Variants in ZNF311 observed in about 807,000 individuals in gnomAD.
ZNF311 encodes the protein zinc finger protein 311.
A neutral mutation model predicts 22.7 loss-of-function variants in ZNF311; 14 were observed. That is an observed-to-expected ratio of 0.62 (90% CI 0.41 to 0.96). ZNF311 has a LOEUF of 0.96. Ranked by LOEUF, ZNF311 falls within the 40% of genes least tolerant of loss-of-function variation. The pLI is 0.00. For missense variants in ZNF311, 731 were observed against 799.0 expected, an observed-to-expected ratio of 0.91 and a Z score of 1.03; for synonymous variants, 250 against 275.3, an observed-to-expected ratio of 0.91 and a Z score of 0.91.
At chr6:28,997,268 C>G in intron 6 of ZNF311, among the ~76,000 whole-genome samples, 1 of 152,072 alleles carries the variant, frequency 6.6e-6, no homozygotes. Context: ...GGTCAATTTG[C>G]CTAGAAAGAA....
Position 28,996,457 on chromosome 6 carries a change from C to G in ZNF311, c.545G>C (p.Arg182Thr), listed in dbSNP as rs1237402941. The change falls in exon 7 of 7, where the codon AGA (arginine) becomes ACA (threonine). Residue 182 changes from arginine to threonine, a missense_variant. Arg to Thr is a moderately conservative substitution (Grantham distance 71, BLOSUM62 -1). Transcript: ENST00000377179. ...TTTGACATCCTGAACACAAACTTCT[C>G]TAACCTTAGGATCCCGGGAATCAAC... Reference protein sequence around the residue: ...LKVDSRDPKVREVCVQDVKLE... With the variant: ...LKVDSRDPKVTEVCVQDVKLE... The G allele has an allele frequency of 3.7e-6, 6 of 1,609,230 alleles. No individual in the cohort carries two copies. The highest frequency in any genetic ancestry group is 4.2e-6 in the Non-Finnish European group (5 of 1,180,034).
Position 28,996,689 on chromosome 6 carries a change from G to A in ZNF311, c.416-103C>T, listed in dbSNP as rs980481666. ...AAGAGTAAATAACTTTTCCATGCTG[G>A]AAAAATTACTAACGTTGTGGCCAAA... On this transcript the variant is annotated intron_variant, in intron 6 of 6. Coordinates refer to ENST00000377179, the MANE Select transcript of ZNF311 (RefSeq NM_001382360.1). 4 of 1,313,394 alleles carry A rather than the reference G, an allele frequency of 3.0e-6. No individual in the cohort carries two copies. In the African/African-American group the frequency reaches 5.9e-5, roughly 19 times the overall value. 81.4% of individuals were successfully genotyped at this position (1,313,394 alleles called of 1,614,324 possible). A position where few individuals can be genotyped will look rare whatever the true frequency, so the allele number is the denominator to read the frequency against.
chr6:29,000,847 C>G (rs536030544), intron 3 of ZNF311, among the ~76,000 whole-genome samples: 3 of 151,394 alleles, frequency 2.0e-5, no homozygotes, highest in Non-Finnish European at 4.4e-5. Context: ...CGTGATCTTG[C>G]CTCACTGCAA....
At position 28,998,870 on chromosome 6, in the gene ZNF311, T is replaced by C. The variant is rs780358964; in HGVS notation, c.311-32A>G. ...GCAGAGAAGAAATAAGTGTGTAGAGTAACTTATAACTTAATAACTTATAAC... is the reference window on the plus strand; with the variant it reads ...GCAGAGAAGAAATAAGTGTGTAGAGCAACTTATAACTTAATAACTTATAAC... On this transcript the variant is annotated intron_variant, in intron 5 of 6. Coordinates refer to ENST00000377179, the MANE Select transcript of ZNF311 (RefSeq NM_001382360.1). The C allele has an allele frequency of 1.1e-5, 16 of 1,461,140 alleles. No homozygotes were observed. The South Asian group carries it at 1.8e-4, about 17-fold the overall frequency. The allele number at this position is 1,461,140 out of a possible 1,614,324, so 90.5% of individuals were successfully genotyped here.
rs759982717 is a variant in ZNF311 at position 29,003,497 on chromosome 6, C to T, written c.91+16G>A. The T allele has an allele frequency of 6.2e-7, 1 of 1,612,794 alleles. No individual in the cohort carries two copies. Among genetic ancestry groups the T allele is most frequent in the Non-Finnish European group, 8.5e-7 (1 of 1,179,750 alleles). The stretch of plus-strand genomic sequence containing the variant: ...CAGCTGCCGTGACTCCTGCCACAAT[C>T]TCCTGTGTATCTCACCGCTTTCCTG... On this transcript the variant is annotated intron_variant, in intron 3 of 6. Transcript: ENST00000377179.
rs145597333 is a variant in ZNF311 at position 28,996,472 on chromosome 6, C to T, written c.530G>A (p.Arg177Gln). The T allele has an allele frequency of 3.8e-4, 610 of 1,608,590 alleles. 3 individuals carry two copies. In the African/African-American group the frequency reaches 5.9e-3, roughly 16 times the overall value. The change falls in exon 7 of 7, where the codon CGG becomes CAG. Residue 177 changes from arginine (R) to glutamine (Q), a missense_variant. Coordinates refer to ENST00000377179, the MANE Select transcript of ZNF311 (RefSeq NM_001382360.1). ...KFNSLLKVDSRDPKVREVCVQ... is the reference protein window; with the variant it reads ...KFNSLLKVDSQDPKVREVCVQ... ...ACAAACTTCTCTAACCTTAGGATCCCGGGAATCAACTTTTAGGAGACTGTT... is the reference window on the plus strand; with the variant it reads ...ACAAACTTCTCTAACCTTAGGATCCTGGGAATCAACTTTTAGGAGACTGTT...
chr6:28,998,066 A>G (rs975251048), intron 6 of ZNF311, among the ~76,000 whole-genome samples: 1 of 151,914 alleles, frequency 6.6e-6, no homozygotes, highest in Non-Finnish European at 1.5e-5. Context: ...TTATTCCTCA[A>G]TGCTTTCTCA....
At chr6:29,004,515 A>G (rs1240126633) in intron 1 of ZNF311, among the ~76,000 whole-genome samples, 1 of 39,998 alleles carries the variant, frequency 2.5e-5, no homozygotes, top group Non-Finnish European at 3.9e-5. Context: ...GCAGTGGCGC[A>G]ATCTCGGCTC....
At position 28,996,008 on chromosome 6, in the gene ZNF311, C is replaced by T. The variant is rs375832545; in HGVS notation, c.994G>A (p.Glu332Lys). 18 of 1,613,348 alleles carry T rather than the reference C, an allele frequency of 1.1e-5. No individual in the cohort carries two copies. The East Asian group carries it at 1.3e-4, about 12-fold the overall frequency. Residue 332 changes from glutamate (E) to lysine (K), a missense_variant, in exon 7 of 7, where the codon GAG (glutamate) becomes AAG (lysine). Glu to Lys is a moderately conservative substitution (Grantham distance 56, BLOSUM62 1). Coordinates refer to ENST00000377179, the MANE Select transcript of ZNF311 (RefSeq NM_001382360.1). ...KKTHSGEKPH[E>K]CRDCGKAFKT... ...AAGGCCTTCCCACAGTCCCTGCACT[C>T]GTGAGGCTTCTCCCCACTGTGGGTT...
In ZNF311 at chr6:28,995,975, T is replaced by C. The variant is rs1219855161; in HGVS notation, c.1027A>G (p.Arg343Gly). The change falls in exon 7 of 7, where the codon AGG becomes GGG. Residue 343 changes from arginine to glycine, a missense_variant. Transcript: ENST00000377179. This position sits in a 1 kb window ranked among gnomAD's most constrained non-coding sequence, Gnocchi z 4.7. ...CRDCGKAFKT[R>G]NRLCMHQLIH... The stretch of plus-strand genomic sequence containing the variant: ...AGCTGATGCATACAGAGACGGTTCC[T>C]GGTCTTGAAGGCCTTCCCACAGTCC... 3.1e-6 allele frequency: 5 copies of C among 1,613,790 alleles called. No individual in the cohort carries two copies. In the East Asian group the frequency reaches 8.9e-5, roughly 29 times the overall value.
Position 28,995,000 on chromosome 6 carries a change from C to T in ZNF311, c.*1G>A. 4 of 1,598,676 alleles carry T rather than the reference C, an allele frequency of 2.5e-6. No homozygotes were observed. The highest frequency in any genetic ancestry group is 3.4e-6 in the Non-Finnish European group (4 of 1,173,216). ...AGAAAGTAACACCAGAATCGTTATACTCAGGCACTGGTCAAAATACTGACT... is the reference window on the plus strand; with the variant it reads ...AGAAAGTAACACCAGAATCGTTATATTCAGGCACTGGTCAAAATACTGACT... On this transcript the variant is annotated 3_prime_UTR_variant, in exon 7 of 7. Coordinates refer to ENST00000377179, the MANE Select transcript of ZNF311 (RefSeq NM_001382360.1).
At chr6:28,997,257 A>G (rs1370059868) in intron 6 of ZNF311, among the ~76,000 whole-genome samples, 1 of 152,172 alleles carries the variant, frequency 6.6e-6, no homozygotes, top group Non-Finnish European at 1.5e-5. Context: ...GAAGAAGAGA[A>G]GGTCAATTTG....
At chr6:29,003,374 A>G in intron 3 of ZNF311, 139 bp downstream of exon 3, 1 of 717,504 alleles carries the variant, frequency 1.4e-6, no homozygotes, top group Non-Finnish European at 2.4e-6. Context: ...AGCCTCGTAT[A>G]GAAACAAAAT....
intron 6 of ZNF311, among the ~76,000 whole-genome samples, chr6:28,997,280 A>G (rs775434297): frequency 9.2e-5 from 14 of 152,172 alleles, no homozygotes; most frequent in Non-Finnish European, 1.9e-4. Flanking sequence ...TAGAAAGAAG[A>G]ATGAAGCTGA....
Position 28,999,569 on chromosome 6 carries a change from C to T in ZNF311, c.228G>A (p.Arg76=). ...GAGCGTAGGTCAGACACTGCCACTC[C>T]CTGTTAGTGAAGTTCACAGCTACAT... is the stretch of plus-strand genomic sequence containing the variant. ...FEDVAVNFTN[R]EWQCLTYAQR... Residue 76 remains arginine (R), a synonymous_variant, in exon 5 of 7, where the codon AGG becomes AGA. Transcript: ENST00000377179. 1 of 1,613,584 alleles carries T rather than the reference C, an allele frequency of 6.2e-7. No homozygotes were observed. The highest frequency in any genetic ancestry group is 8.5e-7 in the Non-Finnish European group (1 of 1,179,954).
Position 28,994,834 on chromosome 6 carries a change from G to A in ZNF311, c.*167C>T. 2 of 718,088 alleles carry A rather than the reference G, an allele frequency of 2.8e-6. No homozygotes were observed. Among genetic ancestry groups the A allele is most frequent in the South Asian group, 4.5e-5 (2 of 44,462 alleles). 44.5% of individuals were successfully genotyped at this position (718,088 alleles called of 1,614,324 possible). A position where few individuals can be genotyped will look rare whatever the true frequency, so the allele number is the denominator to read the frequency against. Reference sequence around the variant, plus strand: ...ATTAGGAAGTGATTGATAAACTCTTGGAAGTAAATGTGCTCACTGAAAAAA... The same window carrying A: ...ATTAGGAAGTGATTGATAAACTCTTAGAAGTAAATGTGCTCACTGAAAAAA... On this transcript the variant is annotated 3_prime_UTR_variant, in exon 7 of 7. Transcript: ENST00000377179.
In ZNF311 at chr6:28,996,404, T is replaced by C. The variant is rs1431712412; in HGVS notation, c.598A>G (p.Arg200Gly). 2 of 1,611,170 alleles carry C rather than the reference T, an allele frequency of 1.2e-6. No homozygotes were observed. Among genetic ancestry groups the C allele is most frequent in the Non-Finnish European group, 1.7e-6 (2 of 1,180,030 alleles). Residue 200 changes from arginine to glycine, a missense_variant, in exon 7 of 7, where the codon AGG becomes GGG. Transcript: ENST00000377179. ...KLENQWETSI[R>G]EKLREEKEGS... ...TCTTTCTCTTCTCTCAGTTTCTCCC[T>C]TATAGATGTTTCCCATTGATTCTCT...
chr6:29,003,463 C>A, intron 3 of ZNF311, 50 bp downstream of exon 3: 1 of 1,578,238 alleles, frequency 6.3e-7, no homozygotes, highest in Non-Finnish European at 8.7e-7. Flanking sequence ...TGTGTCCTTA[C>A]TACATTCTCA....
chr6:28,996,590 A>G lies in ZNF311; in HGVS notation c.416-4T>C. The stretch of plus-strand genomic sequence containing the variant: ...GGCCACATCTTGTCAGCTGACACTT[A>G]AACAAGAAAATACAAATGTCAGAGG... On this transcript the variant is annotated splice_polypyrimidine_tract_variant and splice_region_variant and intron_variant, in intron 6 of 6. Coordinates refer to ENST00000377179, the MANE Select transcript of ZNF311 (RefSeq NM_001382360.1). 6.3e-7 allele frequency: 1 copy of G among 1,578,848 alleles called. No homozygotes were observed. The highest frequency in any genetic ancestry group is 8.5e-7 in the Non-Finnish European group (1 of 1,171,870).
Sources: gnomAD v4.1 joint callset for allele counts (sites outside exome capture counted in the v4.1 genomes callset) on GRCh38, gnomAD v4.1.1 for gene constraint, Gnocchi (gnomAD v3.1) non-coding constraint, MANE v1.5 for transcripts, NCBI Gene and HGNC (gene_info 2026-07-23, HGNC 2026-07-21) for gene names.